Variants in SYT1 observed in about 807,000 individuals in gnomAD.
SYT1 encodes the protein synaptotagmin 1.
In SYT1, 8 loss-of-function variants were observed where a neutral mutation model predicts 44.8. The ratio of observed to expected loss-of-function variants is 0.18; its 90% CI spans 0.10 to 0.32. SYT1 has a LOEUF of 0.32. Ranked by LOEUF, SYT1 falls within the 10% of genes least tolerant of loss-of-function variation. SYT1 has a pLI of 1.00. For synonymous variants in SYT1, 154 were observed against 188.8 expected (o/e 0.82, Z 1.51); for missense variants, 286 against 509.3 (o/e 0.56, Z 4.22).
chr12:78,952,250 C>A (rs1159591296), intron 1 of SYT1, among the ~76,000 whole-genome samples: 1 of 151,760 alleles, frequency 6.6e-6, no homozygotes, highest in East Asian at 1.9e-4. Flanking sequence ...TCTGCTTTTT[C>A]AAAAAAAGAC....
chr12:79,245,302 CAA>C (rs61324842), intron 4 of SYT1, among the ~76,000 whole-genome samples: 1,396 of 104,146 alleles, frequency 0.013, 6 homozygotes, highest in African/African-American at 0.039. Flanking sequence ...CCCGTCTCTA[CAA>C]AAAAAAAAAA....
intron 3 of SYT1, among the ~76,000 whole-genome samples, chr12:79,086,941 C>T (rs540324974): frequency 8.8e-4 from 134 of 152,220 alleles, no homozygotes; most frequent in African/African-American, 3.2e-3. Flanking sequence ...TTCCAATCAC[C>T]ATTGTAATAC....
intron 9 of SYT1, among the ~76,000 whole-genome samples, chr12:79,359,813 A>C (rs1041971636): frequency 1.3e-5 from 2 of 152,154 alleles, no homozygotes; most frequent in Non-Finnish European, 2.9e-5. Flanking sequence ...AGCCAGATTT[A>C]AATATTTGAG....
At chr12:79,138,443 A>G (rs1350343499) in intron 3 of SYT1, among the ~76,000 whole-genome samples, 1 of 152,214 alleles carries the variant, frequency 6.6e-6, no homozygotes, top group Non-Finnish European at 1.5e-5. Flanking sequence ...AGTAATAACT[A>G]TTACTAGTAG....
intron 1 of SYT1, among the ~76,000 whole-genome samples, chr12:78,970,879 G>A (rs1332131649): frequency 6.6e-6 from 1 of 152,052 alleles, no homozygotes; most frequent in East Asian, 1.9e-4. Context: ...CATTGTTTTT[G>A]TTTGTTTTCT....
intron 8 of SYT1, among the ~76,000 whole-genome samples, chr12:79,330,339 G>A (rs1390627687): frequency 6.6e-6 from 1 of 152,214 alleles, no homozygotes; most frequent in African/African-American, 2.4e-5. Flanking sequence ...AAATTCTGCT[G>A]TGTGATTTCT....
In SYT1 at chr12:79,285,848, C is replaced by T. The variant is rs1429901388; in HGVS notation, c.228C>T (p.Cys76=). The stretch of plus-strand genomic sequence containing the variant: ...CAGTCCTTTTAGTCCTGACCTGCTG[C>T]TTTTGTATCTGTAAGAAATGTTTGT... The part of the protein sequence containing the change: ...IVAVLLVLTC[C]FCICKKCLFK... The change falls in exon 5 of 11, where the codon TGC becomes TGT. Residue 76 remains cysteine, a synonymous_variant. Transcript: ENST00000261205. 2.5e-6 allele frequency: 4 copies of T among 1,613,598 alleles called. No individual in the cohort carries two copies. In the South Asian group the frequency reaches 4.4e-5, roughly 18 times the overall value.
intron 4 of SYT1, among the ~76,000 whole-genome samples, chr12:79,218,332 G>A (rs980613549): frequency 1.3e-5 from 2 of 152,080 alleles, no homozygotes; most frequent in African/African-American, 4.8e-5. Context: ...TGTTGAGAGT[G>A]AATATAAAGT....
chr12:79,179,035 G>T (rs58414988), intron 3 of SYT1, among the ~76,000 whole-genome samples: 3,922 of 16,060 alleles, frequency 0.24, 1,118 homozygotes, highest in African/African-American at 0.52. Context: ...TAGATATATA[G>T]ATATAGATAT....
At chr12:79,228,218 C>T (rs1285849952) in intron 4 of SYT1, among the ~76,000 whole-genome samples, 3 of 152,078 alleles carry the variant, frequency 2.0e-5, no homozygotes, top group Non-Finnish European at 4.4e-5. Flanking sequence ...TTACCTCTCC[C>T]ATCAAGCTAT....
At chr12:78,871,654 A>C (rs750858917) in intron 1 of SYT1, among the ~76,000 whole-genome samples, 2 of 151,968 alleles carry the variant, frequency 1.3e-5, no homozygotes, top group Non-Finnish European at 2.9e-5. Context: ...TCAGGTTTTG[A>C]GTTATCAAGA....
At chr12:79,289,632 AAG>A (rs1378089317) in intron 5 of SYT1, among the ~76,000 whole-genome samples, 1 of 152,200 alleles carries the variant, frequency 6.6e-6, no homozygotes, top group Non-Finnish European at 1.5e-5. Context: ...TCAGTTCTGA[AAG>A]AGACTTTTGA....
intron 2 of SYT1, among the ~76,000 whole-genome samples, chr12:79,004,178 G>A (rs1654705025): frequency 6.6e-6 from 1 of 151,872 alleles, no homozygotes; most frequent in African/African-American, 2.4e-5. Flanking sequence ...TATTAGTGAA[G>A]CTACCAGTTG....
At chr12:79,009,807 C>T (rs17046232) in intron 2 of SYT1, among the ~76,000 whole-genome samples, 24,380 of 151,898 alleles carry the variant, frequency 0.16, 2,326 homozygotes, top group African/African-American at 0.27. Flanking sequence ...CATTATCATC[C>T]TATGTTTCCT....
intron 1 of SYT1, among the ~76,000 whole-genome samples, chr12:78,941,174 G>T (rs562119711): frequency 9.0e-5 from 13 of 144,554 alleles, no homozygotes; most frequent in African/African-American, 3.1e-4. Context: ...CCCAGTTCAC[G>T]CCATTCTTCT....
In SYT1 at chr12:78,977,938, G is replaced by C. The variant is rs1868966756; in HGVS notation, c.-84+7G>C. The C allele has an allele frequency of 6.6e-6, 1 of 152,106 alleles. No homozygotes were observed. Among genetic ancestry groups the C allele is most frequent in the Non-Finnish European group, 1.5e-5 (1 of 68,016 alleles). 9.4% of individuals were successfully genotyped at this position (152,106 alleles called of 1,614,324 possible). A position where few individuals can be genotyped will look rare whatever the true frequency, so the allele number is the denominator to read the frequency against. ...CTGGAACTGTCTGATTAAGGTATTT[G>C]GAAAAAACAAATTTTTGACACATTT... On this transcript the variant is annotated splice_region_variant and intron_variant, in intron 2 of 10. Coordinates refer to ENST00000261205, the MANE Select transcript of SYT1 (RefSeq NM_005639.3).
chr12:79,145,451 T>C (rs1374529726), intron 3 of SYT1, among the ~76,000 whole-genome samples: 2 of 152,188 alleles, frequency 1.3e-5, no homozygotes, highest in African/African-American at 2.4e-5. Flanking sequence ...ATGACTTTAA[T>C]AATTTTTTAT....
chr12:79,449,754 C>T lies in SYT1; in HGVS notation c.*630C>T, dbSNP rs1870942913. ...CACAGGCAAAATAGCATGATCTGAG[C>T]AGCAGCATCCAGGCTGACCTCAAGG... On this transcript the variant is annotated 3_prime_UTR_variant, in exon 11 of 11. Transcript: ENST00000261205. 6.6e-6 allele frequency: 1 copy of T among 152,262 alleles called. No homozygotes were observed. Among genetic ancestry groups the T allele is most frequent in the Admixed American group, 6.5e-5 (1 of 15,276 alleles). The allele number at this position is 152,262 out of a possible 1,614,324, so 9.4% of individuals were successfully genotyped here. A position where few individuals can be genotyped will look rare whatever the true frequency, so the allele number is the denominator to read the frequency against.
intron 9 of SYT1, among the ~76,000 whole-genome samples, chr12:79,401,630 G>T (rs1011929025): frequency 1.3e-5 from 2 of 151,098 alleles, no homozygotes. Context: ...ATGGAAGAAT[G>T]ATATTAAAGA....
Sources: allele counts gnomAD v4.1 joint callset (sites outside exome capture counted in the v4.1 genomes callset), GRCh38; gene constraint gnomAD v4.1.1; transcripts MANE v1.5; gene names NCBI Gene and HGNC (gene_info 2026-07-23, HGNC 2026-07-21).